AIG1: variants seen among roughly 807,000 people sequenced by gnomAD.
The protein encoded by AIG1 is androgen-induced gene 1 protein.
AIG1 carries 23 observed loss-of-function variants against 31.4 expected under a neutral mutation model. The observed-to-expected ratio is 0.73, with a 90% CI of 0.53 to 1.04. AIG1 has a LOEUF of 1.04. Ranked by LOEUF, AIG1 falls within the 50% of genes least tolerant of loss-of-function variation. The pLI is 0.00. For synonymous variants in AIG1, 100 were observed against 110.5 expected, an observed-to-expected ratio of 0.90 and a Z score of 0.60; for missense variants, 274 against 295.0, an observed-to-expected ratio of 0.93 and a Z score of 0.52.
intron 3 of AIG1, among the ~76,000 whole-genome samples, chr6:143,177,352 C>T (rs993795195): frequency 2.0e-5 from 3 of 152,148 alleles, no homozygotes; most frequent in Non-Finnish European, 2.9e-5. Context: ...GAAGGTATCA[C>T]GTTTCCTTAC....
chr6:143,282,805 GT>G (rs1797426256), intron 3 of AIG1, among the ~76,000 whole-genome samples: 1 of 152,188 alleles, frequency 6.6e-6, no homozygotes, highest in Non-Finnish European at 1.5e-5. Flanking sequence ...CTCCTAAGAT[GT>G]TCATTTAGAT....
chr6:143,155,779 G>C (rs1001893989), intron 2 of AIG1, among the ~76,000 whole-genome samples: 2 of 152,146 alleles, frequency 1.3e-5, no homozygotes, highest in Non-Finnish European at 2.9e-5. Flanking sequence ...TGGTGAAGAG[G>C]GTCCCTGGAA....
intron 1 of AIG1, among the ~76,000 whole-genome samples, chr6:143,098,655 A>C (rs559781035): frequency 6.6e-6 from 1 of 152,262 alleles, no homozygotes; most frequent in South Asian, 2.1e-4. Flanking sequence ...CCTGCTTTTC[A>C]AACTTATGTT....
chr6:143,081,634 G>A (rs765951759), intron 1 of AIG1, among the ~76,000 whole-genome samples: 2 of 151,968 alleles, frequency 1.3e-5, no homozygotes, highest in Admixed American at 6.6e-5. Context: ...TTTTGAAAAG[G>A]CCTGGTCCAG....
At chr6:143,213,933 T>G (rs1052523617) in intron 3 of AIG1, among the ~76,000 whole-genome samples, 1 of 152,194 alleles carries the variant, frequency 6.6e-6, no homozygotes, top group Admixed American at 6.5e-5. Flanking sequence ...CTTATGGCTC[T>G]CCATATAAAT....
At chr6:143,070,585 G>A (rs1168298630) in intron 1 of AIG1, among the ~76,000 whole-genome samples, 1 of 152,176 alleles carries the variant, frequency 6.6e-6, no homozygotes, top group Non-Finnish European at 1.5e-5. Flanking sequence ...GCATGGTGCT[G>A]GCATCTGGTG....
intron 3 of AIG1, among the ~76,000 whole-genome samples, chr6:143,201,225 G>C (rs969446519): frequency 2.0e-5 from 3 of 152,088 alleles, no homozygotes; most frequent in Non-Finnish European, 4.4e-5. Flanking sequence ...TGAGTACAGT[G>C]GCTTGTGCCT....
At chr6:143,343,140 T>C (rs1385792331), downstream of AIG1, 2 of 754,586 alleles carry the variant, frequency 2.7e-6, no homozygotes, top group East Asian at 4.9e-5. Flanking sequence ...TTGCCATTAT[T>C]TACTTCCAAT....
At chr6:143,275,914 A>T (rs921020671) in intron 3 of AIG1, among the ~76,000 whole-genome samples, 1 of 152,226 alleles carries the variant, frequency 6.6e-6, no homozygotes, top group African/African-American at 2.4e-5. Flanking sequence ...GTTATATTTT[A>T]TGGTACAACA....
At chr6:143,152,576 C>T (rs1457410459) in intron 2 of AIG1, among the ~76,000 whole-genome samples, 2 of 152,056 alleles carry the variant, frequency 1.3e-5, no homozygotes, top group East Asian at 3.9e-4. Context: ...CTTGACAGAG[C>T]GTGAAAGAAG....
chr6:143,117,372 AC>A (rs1440978683), intron 1 of AIG1, among the ~76,000 whole-genome samples: 1 of 152,184 alleles, frequency 6.6e-6, no homozygotes, highest in African/African-American at 2.4e-5. Context: ...GGAGATGTGG[AC>A]CAATGAGATA....
chr6:143,060,796 CCGCCCCCGCCCCGCCCCGCCCCGCGCCCG>C (rs1776155735), upstream of AIG1: 1 of 127,962 alleles, frequency 7.8e-6, no homozygotes, highest in Admixed American at 7.5e-5. Flanking sequence ...GCCCCCGCCC[CCGCCCCCGCCCCGCCCCGCCCCGCGCCCG>C]CGCCCGCGCC....
intron 1 of AIG1, among the ~76,000 whole-genome samples, chr6:143,089,709 G>C (rs892793335): frequency 2.0e-5 from 3 of 152,074 alleles, no homozygotes; most frequent in Non-Finnish European, 4.4e-5. Flanking sequence ...AAGAGATCAC[G>C]TGGCAAGGGA....
intron 3 of AIG1, among the ~76,000 whole-genome samples, chr6:143,239,251 A>G (rs1484871652): frequency 1.3e-5 from 2 of 152,204 alleles, no homozygotes; most frequent in Non-Finnish European, 2.9e-5. Context: ...TAAAAGAGGC[A>G]TTCAGAATTG....
chr6:143,255,633 A>G (rs1265552600), intron 3 of AIG1, among the ~76,000 whole-genome samples: 1 of 152,186 alleles, frequency 6.6e-6, no homozygotes. Flanking sequence ...AGTTCATAAT[A>G]TGGGGTCACC....
At chr6:143,102,576 T>A (rs1780395152) in intron 1 of AIG1, among the ~76,000 whole-genome samples, 3 of 147,764 alleles carry the variant, frequency 2.0e-5, no homozygotes, top group Admixed American at 6.8e-5. Context: ...TAAATATATA[T>A]AATATAATAT....
chr6:143,196,740 A>G (rs1397435254), intron 3 of AIG1, among the ~76,000 whole-genome samples: 1 of 152,142 alleles, frequency 6.6e-6, no homozygotes, highest in Non-Finnish European at 1.5e-5. Flanking sequence ...ATAATGTGCT[A>G]AGCACACCCC....
chr6:143,269,020 A>G (rs978852973), intron 3 of AIG1, among the ~76,000 whole-genome samples: 3 of 152,200 alleles, frequency 2.0e-5, no homozygotes, highest in Non-Finnish European at 4.4e-5. Flanking sequence ...GGGCCTTCAC[A>G]GCTTTGCAGC....
At position 143,083,865 on chromosome 6, in the gene AIG1, C is replaced by T. The variant is rs577619993; in HGVS notation, c.141+22799C>T. On this transcript the variant is annotated intron_variant, in intron 1 of 5. Coordinates refer to ENST00000357847, the MANE Select transcript of AIG1 (RefSeq NM_016108.4). ...CCTTCCTCAAGTAGGGGACAACAAACGTGTGTTCCTTCTCCTATGTTCAGG... is the reference window on the plus strand; with the variant it reads ...CCTTCCTCAAGTAGGGGACAACAAATGTGTGTTCCTTCTCCTATGTTCAGG... Among the ~76,000 whole-genome samples the T allele has an allele frequency of 5.1e-4, 78 of 152,274 alleles. 1 individual carries two copies. Among genetic ancestry groups the T allele is most frequent in the African/African-American group, 1.7e-3 (69 of 41,560 alleles).
Sources: gnomAD v4.1 joint callset for allele counts (sites outside exome capture counted in the v4.1 genomes callset) on GRCh38, gnomAD v4.1.1 for gene constraint, MANE v1.5 for transcripts, NCBI Gene and HGNC (gene_info 2026-07-23, HGNC 2026-07-21) for gene names.